Variants in EFHC2 observed in about 807,000 individuals in gnomAD.
The protein encoded by EFHC2 is EF-hand domain-containing family member C2.
A neutral mutation model predicts 52.7 loss-of-function variants in EFHC2; 18 were observed. That is an observed-to-expected ratio of 0.34 (90% CI 0.24 to 0.51). The LOEUF is 0.51. Ranked by LOEUF, EFHC2 falls within the 20% of genes least tolerant of loss-of-function variation. The probability of loss-of-function intolerance (pLI) is 0.97; values close to 1 mark genes in which losing one functional copy is unlikely to be tolerated. For synonymous variants in EFHC2, 203 were observed against 204.1 expected (o/e 0.99, Z 0.04); for missense variants, 513 against 562.5 (o/e 0.91, Z 0.89).
chrX:44,280,591 T>C (rs976613889), intron 2 of EFHC2, among the ~76,000 whole-genome samples: 1 of 112,154 alleles, frequency 8.9e-6, no homozygotes, highest in African/African-American at 3.2e-5. Context: ...ATTATCATTA[T>C]GGGTAGATAA....
chrX:44,338,749 A>G (rs1224265828), intron 1 of EFHC2, among the ~76,000 whole-genome samples: 1 of 105,875 alleles, frequency 9.4e-6, no homozygotes, highest in African/African-American at 3.5e-5. Flanking sequence ...AAAGCTGGTC[A>G]TGATTCATTA....
chrX:44,307,401 A>T (rs2037913782), intron 2 of EFHC2, among the ~76,000 whole-genome samples: 1 of 111,852 alleles, frequency 8.9e-6, no homozygotes, highest in African/African-American at 3.3e-5. Context: ...TATAAGGACC[A>T]TATAATCTGG....
At chrX:44,282,010 A>C (rs1328412697) in intron 2 of EFHC2, among the ~76,000 whole-genome samples, 1 of 111,133 alleles carries the variant, frequency 9.0e-6, no homozygotes, top group Admixed American at 9.6e-5. Context: ...TGTTATGAGG[A>C]ACCAATTTAA....
In EFHC2 at chrX:44,165,766, T is replaced by C. The variant is rs778918794; in HGVS notation, c.2043-1739A>G. On this transcript the variant is annotated intron_variant, in intron 13 of 14. Transcript: ENST00000420999. ...TGTTTGTGTCCCCTCAAAATTCATA[T>C]ATTGAGGCCTCATCAATGTGATGAT... 2.1e-4 allele frequency among the ~76,000 whole-genome samples: 23 copies of C among 111,299 alleles called. No homozygotes were observed. The South Asian group carries it at 8.9e-3, about 43-fold the overall frequency.
chrX:44,270,829 T>C (rs2037612177), intron 3 of EFHC2, among the ~76,000 whole-genome samples: 1 of 110,767 alleles, frequency 9.0e-6, no homozygotes, highest in Admixed American at 9.6e-5. Context: ...CACTTCTCCC[T>C]GCATCTCCCC....
intron 11 of EFHC2, among the ~76,000 whole-genome samples, chrX:44,194,342 C>T (rs1373052470): frequency 5.4e-5 from 6 of 111,437 alleles, no homozygotes; most frequent in Middle Eastern, 4.6e-3. Context: ...GTCATAGACA[C>T]GATCTAGGCA....
At chrX:44,171,730 T>C (rs1340841668) in intron 13 of EFHC2, among the ~76,000 whole-genome samples, 2 of 111,781 alleles carry the variant, frequency 1.8e-5, no homozygotes, top group African/African-American at 6.5e-5. Flanking sequence ...TGTTTGTCCA[T>C]ATGGTTTGGG....
chrX:44,259,618 T>A (rs2037521768), intron 4 of EFHC2, among the ~76,000 whole-genome samples: 1 of 112,229 alleles, frequency 8.9e-6, no homozygotes, highest in Non-Finnish European at 1.9e-5. Context: ...TTTCATATAA[T>A]CCATCATTAT....
At chrX:44,206,378 A>C (rs1209001312) in intron 11 of EFHC2, among the ~76,000 whole-genome samples, 1 of 111,768 alleles carries the variant, frequency 8.9e-6, no homozygotes, top group African/African-American at 3.3e-5. Flanking sequence ...AGCAAGAGAA[A>C]GAAATAAAAG....
intron 1 of EFHC2, among the ~76,000 whole-genome samples, chrX:44,316,204 A>T (rs1340712297): frequency 8.9e-6 from 1 of 112,023 alleles, no homozygotes; most frequent in Non-Finnish European, 1.9e-5. Flanking sequence ...CACATCTTAC[A>T]GCTTATAAGG....
At chrX:44,172,657 T>A (rs976383257) in intron 13 of EFHC2, among the ~76,000 whole-genome samples, 1 of 112,425 alleles carries the variant, frequency 8.9e-6, no homozygotes, top group African/African-American at 3.2e-5. Flanking sequence ...CTACTTCCAT[T>A]AGAGGCTCAT....
intron 11 of EFHC2, among the ~76,000 whole-genome samples, chrX:44,193,362 C>T (rs1449247371): frequency 9.2e-6 from 1 of 108,519 alleles, no homozygotes; most frequent in African/African-American, 3.4e-5. Flanking sequence ...CCCTGATCTA[C>T]GTTGGGCACA....
chrX:44,300,579 C>T (rs1258448249), intron 2 of EFHC2, among the ~76,000 whole-genome samples: 2 of 112,139 alleles, frequency 1.8e-5, no homozygotes, highest in Non-Finnish European at 3.8e-5. Flanking sequence ...CTTGTTCATT[C>T]TGAGGCATAG....
chrX:44,318,407 G>T (rs1262151242), intron 1 of EFHC2, among the ~76,000 whole-genome samples: 2 of 112,133 alleles, frequency 1.8e-5, no homozygotes, highest in African/African-American at 3.2e-5. Flanking sequence ...TGCTTACCGG[G>T]TACAGGTTTC....
chrX:44,333,068 T>C (rs1351150875), intron 1 of EFHC2, among the ~76,000 whole-genome samples: 1 of 111,380 alleles, frequency 9.0e-6, no homozygotes, highest in Non-Finnish European at 1.9e-5. Flanking sequence ...GAGGCAGCAA[T>C]GGACAATCAC....
At chrX:44,319,295 G>A (rs377055993) in intron 1 of EFHC2, among the ~76,000 whole-genome samples, 1 of 111,000 alleles carries the variant, frequency 9.0e-6, no homozygotes, top group South Asian at 3.8e-4. Flanking sequence ...AAGCCACTGC[G>A]CCGGGCACAA....
intron 4 of EFHC2, among the ~76,000 whole-genome samples, chrX:44,250,967 G>A (rs1007074994): frequency 9.1e-5 from 10 of 109,994 alleles, no homozygotes; most frequent in African/African-American, 3.0e-4. Flanking sequence ...GGCCGGGCGC[G>A]GTGGCTCACG....
chrX:44,184,723 CAAAAAAA>C (rs34983921), intron 11 of EFHC2, among the ~76,000 whole-genome samples: 4 of 46,196 alleles, frequency 8.7e-5, no homozygotes, highest in African/African-American at 1.9e-4. Context: ...AATTCCATCT[CAAAAAAA>C]AAAAAAAAAA....
intron 1 of EFHC2, among the ~76,000 whole-genome samples, chrX:44,316,948 T>C (rs1300340475): frequency 8.9e-6 from 1 of 112,267 alleles, no homozygotes; most frequent in Admixed American, 9.4e-5. Context: ...CAGTTACTAC[T>C]GTTAGTACTT....
Sources: allele counts gnomAD v4.1 joint callset (sites outside exome capture counted in the v4.1 genomes callset), GRCh38; gene constraint gnomAD v4.1.1; transcripts MANE v1.5; gene names NCBI Gene and HGNC (gene_info 2026-07-23, HGNC 2026-07-21).